The following KLK9 variants were observed in gnomAD, a reference collection of about 807,000 sequenced individuals.
KLK9 encodes the protein kallikrein-9.
A neutral mutation model predicts 23.3 loss-of-function variants in KLK9; 26 were observed. The ratio of observed to expected loss-of-function variants is 1.12; its 90% CI spans 0.82 to 1.55. The LOEUF (loss-of-function observed/expected upper bound fraction) is 1.55, where lower values mean the gene tolerates loss of function less well. Ranked by LOEUF, KLK9 falls within the 40% of genes most tolerant of loss-of-function variation. The probability of loss-of-function intolerance (pLI) is 0.00; values close to 1 mark genes in which losing one functional copy is unlikely to be tolerated. For synonymous variants in KLK9, 122 were observed against 128.5 expected (o/e 0.95, Z 0.34); for missense variants, 346 against 333.7 (o/e 1.04, Z -0.29).
chr19:51,005,893 A>G (rs1329521949), intron 3 of KLK9, among the ~76,000 whole-genome samples: 1 of 151,294 alleles, frequency 6.6e-6, no homozygotes, highest in Non-Finnish European at 1.5e-5. Context: ...CCTGGCCAAT[A>G]TGGTGAAACC....
chr19:51,006,414 G>A lies in KLK9; in HGVS notation c.466+44C>T. 6.5e-7 allele frequency: 1 copy of A among 1,527,570 alleles called. No homozygotes were observed. The highest frequency in any genetic ancestry group is 8.9e-7 in the Non-Finnish European group (1 of 1,129,610). The allele number at this position is 1,527,570 out of a possible 1,614,324, so 94.6% of individuals were successfully genotyped here. A position where few individuals can be genotyped will look rare whatever the true frequency, so the allele number is the denominator to read the frequency against. ...AGAGATGAAAAGGCAGAGACAGAGG[G>A]GTGAGGGAGCAAGTTTCAGAGAGAG... On this transcript the variant is annotated intron_variant, in intron 3 of 4. Coordinates refer to ENST00000594211, the MANE Select transcript of KLK9 (RefSeq NM_012315.2). This position sits in a 1 kb window ranked among gnomAD's most constrained non-coding sequence, Gnocchi z 4.1.
chr19:51,008,410 A>G (rs981975265), intron 2 of KLK9, among the ~76,000 whole-genome samples: 11 of 151,928 alleles, frequency 7.2e-5, no homozygotes, highest in Admixed American at 1.3e-4. Flanking sequence ...TTAGAAATTT[A>G]AGAGTCTGGG....
chr19:51,003,726 T>A lies in KLK9; in HGVS notation c.581A>T (p.Glu194Val). ...CACCTGGCAGGAACCTCGGCCCCCC[T>A]CCCACAGGCCCGCACAGAGCATGCT... The part of the protein sequence containing the change: ...SDSMLCAGLW[E>V]GGRGSCQGDS... Residue 194 changes from glutamate to valine, a missense_variant, in exon 4 of 5, where the codon GAG (glutamate) becomes GTG (valine). Physicochemically the swap from Glu to Val is moderately radical, Grantham distance 121 (BLOSUM62 -2). Coordinates refer to ENST00000594211, the MANE Select transcript of KLK9 (RefSeq NM_012315.2). 6.2e-7 allele frequency: 1 copy of A among 1,612,134 alleles called. No homozygotes were observed. The highest frequency in any genetic ancestry group is 8.5e-7 in the Non-Finnish European group (1 of 1,179,064).
chr19:51,003,573 TCTCCCA>T (rs2091243693), intron 4 of KLK9, 125 bp downstream of exon 4: 1 of 822,896 alleles, frequency 1.2e-6, no homozygotes, highest in African/African-American at 1.7e-5. Flanking sequence ...GGTCCCGTCC[TCTCCCA>T]GGAACCAGGT....
chr19:51,003,656 T>C, intron 4 of KLK9, 48 bp downstream of exon 4: 1 of 1,560,274 alleles, frequency 6.4e-7, no homozygotes, highest in Non-Finnish European at 8.7e-7. Context: ...CCCTAAATCC[T>C]AGAAAACTTG....
At chr19:51,005,914 C>G (rs1053016654) in intron 3 of KLK9, among the ~76,000 whole-genome samples, 4 of 149,258 alleles carry the variant, frequency 2.7e-5, no homozygotes, top group African/African-American at 9.9e-5. Context: ...TCTGTCTCTA[C>G]TAAAAATACA....
At chr19:51,005,397 A>T (rs954657624) in intron 3 of KLK9, among the ~76,000 whole-genome samples, 2 of 152,092 alleles carry the variant, frequency 1.3e-5, no homozygotes, top group African/African-American at 4.8e-5. Flanking sequence ...AATAATAAAA[A>T]TTTTTAGCAT....
Position 51,009,233 on chromosome 19 carries a change from C to T in KLK9, c.150G>A (p.Ala50=), listed in dbSNP as rs749383199. The T allele has an allele frequency of 5.6e-6, 9 of 1,610,248 alleles. No homozygotes were observed. The highest frequency in any genetic ancestry group is 1.7e-4 in the Middle Eastern group (1 of 5,762). The stretch of plus-strand genomic sequence containing the variant: ...GCAGCCAGCGGTCACTGATGAGGGT[C>T]GCCCCACAGAAGAGCCGAGTAAGGT... ...LFHLTRLFCG[A]TLISDRWLLT... is the part of the protein sequence containing the mutation. Residue 50 remains alanine (A), a synonymous_variant, in exon 2 of 5, where the codon GCG becomes GCA. Coordinates refer to ENST00000594211, the MANE Select transcript of KLK9 (RefSeq NM_012315.2). The surrounding 1 kb of genome is among the most constrained non-coding windows in gnomAD (Gnocchi z 4.8).
Position 51,009,317 on chromosome 19 carries a change from A to G in KLK9, c.66T>C (p.Arg22=), listed in dbSNP as rs1467053365. ...GGCGACATTCCTCGGCCCCGATGGC[A>G]CGGGTGTCTGCCCAGCCATGCCCTG... ...LLAGHGWADT[R]AIGAEECRPN... Residue 22 remains arginine (R), a synonymous_variant, in exon 2 of 5, where the codon CGT becomes CGC. Transcript: ENST00000594211. The surrounding 1 kb of genome is among the most constrained non-coding windows in gnomAD (Gnocchi z 4.8). 5 of 1,590,498 alleles carry G rather than the reference A, an allele frequency of 3.1e-6. No individual in the cohort carries two copies. The Admixed American group carries it at 8.7e-5, about 28-fold the overall frequency.
chr19:51,005,371 C>T (rs577700424), intron 3 of KLK9, among the ~76,000 whole-genome samples: 5 of 152,164 alleles, frequency 3.3e-5, no homozygotes, highest in Admixed American at 6.5e-5. Flanking sequence ...CATAGCAAGA[C>T]CTCATCTTTG....
Position 51,003,150 on chromosome 19 carries a change from G to A in KLK9, c.714C>T (p.Cys238=). ...TTTCTTGGATCCAGTCAAGGTAGTGGCATACGCTGGTGTAGACTGCGGGGC... is the reference window on the plus strand; with the variant it reads ...TTTCTTGGATCCAGTCAAGGTAGTGACATACGCTGGTGTAGACTGCGGGGC... ...PRRPAVYTSV[C]HYLDWIQEIM... Residue 238 remains cysteine (C), a synonymous_variant, in exon 5 of 5, where the codon TGC becomes TGT. Transcript: ENST00000594211. 6.2e-7 allele frequency: 1 copy of A among 1,612,522 alleles called. No individual in the cohort carries two copies. The highest frequency in any genetic ancestry group is 2.2e-5 in the East Asian group (1 of 44,868).
rs764812047 is a variant in KLK9 at position 51,003,076 on chromosome 19, C to T, written c.*35G>A. On this transcript the variant is annotated 3_prime_UTR_variant, in exon 5 of 5. Coordinates refer to ENST00000594211, the MANE Select transcript of KLK9 (RefSeq NM_012315.2). The stretch of plus-strand genomic sequence containing the variant: ...CCCTACCCCGTGCCCTTCGGCCTCT[C>T]TTGGTCTTCCAAGGTGCCCCCGTGG... 2.5e-6 allele frequency: 4 copies of T among 1,588,414 alleles called. No individual in the cohort carries two copies. The South Asian group carries it at 4.5e-5, about 18-fold the overall frequency.
At position 51,006,222 on chromosome 19, in the gene KLK9, C is replaced by T. The variant is rs944809608; in HGVS notation, c.466+236G>A. 2.0e-5 allele frequency among the ~76,000 whole-genome samples: 3 copies of T among 151,850 alleles called. No individual in the cohort carries two copies. The highest frequency in any genetic ancestry group is 7.2e-5 in the African/African-American group (3 of 41,398). On this transcript the variant is annotated intron_variant, in intron 3 of 4. Transcript: ENST00000594211. The surrounding 1 kb of genome is among the most constrained non-coding windows in gnomAD (Gnocchi z 4.1). ...ATCAATGGGATCTAATGGGATCTTT[C>T]CTCCTCCTCCTTTTTTTCTTCTCCT...
chr19:51,003,957 T>C (rs373594424), intron 3 of KLK9, 117 bp from the exon 4 acceptor site: 15 of 764,912 alleles, frequency 2.0e-5, no homozygotes, highest in Admixed American at 4.6e-5. Flanking sequence ...CATTTAGGAC[T>C]CTCAAAGATA....
intron 2 of KLK9, among the ~76,000 whole-genome samples, chr19:51,007,024 C>G (rs75696816): frequency 6.6e-6 from 1 of 151,886 alleles, no homozygotes; most frequent in South Asian, 2.1e-4. Context: ...TCACCTGGAG[C>G]CTTGGTGGTG....
At chr19:51,003,596 G>A (rs1338086401) in intron 4 of KLK9, 108 bp downstream of exon 4, 1 of 975,230 alleles carries the variant, frequency 1.0e-6, no homozygotes, top group Non-Finnish European at 1.6e-6. Context: ...AGGTATCCCA[G>A]TCTCCTTCTC....
At position 51,006,302 on chromosome 19, in the gene KLK9, A is replaced by G. The variant is rs887932228; in HGVS notation, c.466+156T>C. Reference sequence around the variant, plus strand: ...CATGAAATAATGGCACATCTTAAAAATGCTAGCATCTTATATTTGGTTAAA... The same window carrying G: ...CATGAAATAATGGCACATCTTAAAAGTGCTAGCATCTTATATTTGGTTAAA... On this transcript the variant is annotated intron_variant, in intron 3 of 4. Coordinates refer to ENST00000594211, the MANE Select transcript of KLK9 (RefSeq NM_012315.2). The surrounding 1 kb of genome is among the most constrained non-coding windows in gnomAD (Gnocchi z 4.1). Among the ~76,000 whole-genome samples the G allele has an allele frequency of 6.6e-6, 1 of 151,826 alleles. No homozygotes were observed. Among genetic ancestry groups the G allele is most frequent in the African/African-American group, 2.4e-5 (1 of 41,382 alleles).
chr19:51,008,056 C>T (rs549557631), intron 2 of KLK9, among the ~76,000 whole-genome samples: 5 of 151,328 alleles, frequency 3.3e-5, no homozygotes, highest in African/African-American at 1.2e-4. Context: ...TTTGGCTGGG[C>T]GCGGTGGCTC....
chr19:51,008,096 C>T (rs1361641385), intron 2 of KLK9, among the ~76,000 whole-genome samples: 2 of 149,870 alleles, frequency 1.3e-5, no homozygotes, highest in African/African-American at 2.5e-5. Flanking sequence ...TTTGGGAGGC[C>T]GAGGCGGGCA....
Sources: allele counts gnomAD v4.1 joint callset (sites outside exome capture counted in the v4.1 genomes callset), GRCh38; gene constraint gnomAD v4.1.1; non-coding constraint Gnocchi (gnomAD v3.1); transcripts MANE v1.5; gene names NCBI Gene and HGNC (gene_info 2026-07-23, HGNC 2026-07-21).